USH2A: variants seen among roughly 807,000 people sequenced by gnomAD.
USH2A encodes the protein usherin, also known as Usher syndrome 2A (autosomal recessive, mild).
Under a neutral mutation model 538.9 loss-of-function variants are expected in USH2A, and 443 were observed. That is an observed-to-expected ratio of 0.82 (90% CI 0.76 to 0.89). The LOEUF (loss-of-function observed/expected upper bound fraction) is 0.89, where lower values mean the gene tolerates loss of function less well. Ranked by LOEUF, USH2A falls within the 40% of genes least tolerant of loss-of-function variation. USH2A has a pLI of 0.00. For synonymous variants in USH2A, 2,413 were observed against 2,273.5 expected, an observed-to-expected ratio of 1.06 and a Z score of -1.75; for missense variants, 6,633 against 6,324.8, an observed-to-expected ratio of 1.05 and a Z score of -1.65.
At chr1:215,852,415 G>A (rs1384845186) in intron 44 of USH2A, among the ~76,000 whole-genome samples, 2 of 152,110 alleles carry the variant, frequency 1.3e-5, no homozygotes, top group Non-Finnish European at 2.9e-5. Flanking sequence ...AATTCTGGGA[G>A]CTAAAATTCA....
In USH2A at chr1:216,078,022, C is replaced by A. The variant is rs2031810436; in HGVS notation, c.5572+67G>T. ...GAGTCTATTGCTATCTCTTGAAACA[C>A]AGAACCACCAAAAACTGTTAGCACC... On this transcript the variant is annotated intron_variant, in intron 27 of 71. Transcript: ENST00000307340. 1.6e-4 allele frequency: 258 copies of A among 1,604,020 alleles called. 4 individuals carry two copies. The South Asian group carries it at 2.7e-3, about 17-fold the overall frequency.
Position 215,798,900 on chromosome 1 carries a change from C to A in USH2A, c.9958+7G>T, listed in dbSNP as rs140287624. 32 of 1,614,020 alleles carry A rather than the reference C, an allele frequency of 2.0e-5. No homozygotes were observed. The East Asian group carries it at 6.7e-4, about 34-fold the overall frequency. On this transcript the variant is annotated splice_region_variant and intron_variant, in intron 50 of 71. Coordinates refer to ENST00000307340, the MANE Select transcript of USH2A (RefSeq NM_206933.4). ...CATCTACTGAAAGGTAGACCTGGGC[C>A]CCTTACCTGGAAGGCGATTGTACAC...
chr1:215,867,165 GTAAACC>G lies in USH2A; in HGVS notation c.8682-1_8686del. The stretch of plus-strand genomic sequence containing the variant: ...TACGAAGAGCATATATTCATAGGTT[GTAAACC>G]TAAAATGTTGTTTTGTTAAAAAAAG... On this transcript the variant is annotated splice_acceptor_variant and coding_sequence_variant, in exon 44 of 72. Transcript: ENST00000307340. LOFTEE classifies it high-confidence loss of function. 1 of 1,613,858 alleles carries G rather than the reference GTAAACC, an allele frequency of 6.2e-7. No individual in the cohort carries two copies. Among genetic ancestry groups the G allele is most frequent in the Non-Finnish European group, 8.5e-7 (1 of 1,179,838 alleles).
chr1:216,032,698 T>C (rs1464467497), intron 32 of USH2A, among the ~76,000 whole-genome samples: 2 of 152,006 alleles, frequency 1.3e-5, no homozygotes, highest in Non-Finnish European at 2.9e-5. Context: ...ATTTGAAGCA[T>C]GAGGGGGACT....
At chr1:215,633,295 G>A (rs546254758) in intron 70 of USH2A, among the ~76,000 whole-genome samples, 2 of 152,272 alleles carry the variant, frequency 1.3e-5, no homozygotes, top group Non-Finnish European at 2.9e-5. Context: ...TGAGTAGAGA[G>A]CCAAGGCCCT....
intron 21 of USH2A, among the ~76,000 whole-genome samples, chr1:216,138,050 A>G (rs1359219928): frequency 6.6e-6 from 1 of 151,716 alleles, no homozygotes; most frequent in African/African-American, 2.4e-5. Flanking sequence ...TCTTTAAATA[A>G]TGTCCCAAAA....
chr1:215,828,265 G>A (rs368442024), intron 47 of USH2A, among the ~76,000 whole-genome samples: 22 of 152,104 alleles, frequency 1.4e-4, no homozygotes, highest in African/African-American at 4.3e-4. Context: ...CAGCCTGGGC[G>A]ACACAGTGAG....
Position 215,719,362 on chromosome 1 carries a change from C to CAAAAAAAA in USH2A, c.12066+8660_12066+8667dup, listed in dbSNP as rs375176415. Among the ~76,000 whole-genome samples, 6 of 74,640 alleles carry CAAAAAAAA rather than the reference C, an allele frequency of 8.0e-5. 2 individuals are homozygous for CAAAAAAAA. Among genetic ancestry groups the CAAAAAAAA allele is most frequent in the Non-Finnish European group, 1.0e-4 (4 of 38,764 alleles). 49.0% of individuals were successfully genotyped at this position (74,640 alleles called of 152,430 possible). On this transcript the variant is annotated intron_variant, in intron 61 of 71. Transcript: ENST00000307340. The stretch of plus-strand genomic sequence containing the variant: ...TAAGACCGTAATAAACCTCAGGAGA[C>CAAAAAAAA]AAAAAAAAAAAAAAAAAAAAAGCAT...
intron 30 of USH2A, among the ~76,000 whole-genome samples, chr1:216,053,117 G>A (rs1357903837): frequency 6.6e-6 from 1 of 152,164 alleles, no homozygotes; most frequent in African/African-American, 2.4e-5. Context: ...AATTCTTACA[G>A]TAACAGATTG....
At chr1:215,821,619 A>C (rs1663017172) in intron 47 of USH2A, among the ~76,000 whole-genome samples, 1 of 151,658 alleles carries the variant, frequency 6.6e-6, no homozygotes, top group African/African-American at 2.4e-5. Flanking sequence ...AGCCTGATGT[A>C]ATCCCATTTT....
At position 216,323,468 on chromosome 1, in the gene USH2A, T is replaced by A. The variant is rs769922367; in HGVS notation, c.1550+6A>T. ...ACCTTGTTGAAAACAAAATTCATAA[T>A]AATACCTCCCACTAATGGTGATTTC... is the stretch of plus-strand genomic sequence containing the variant. On this transcript the variant is annotated splice_donor_region_variant and intron_variant, in intron 8 of 71. Transcript: ENST00000307340. 2 of 1,613,126 alleles carry A rather than the reference T, an allele frequency of 1.2e-6. No homozygotes were observed. Among genetic ancestry groups the A allele is most frequent in the African/African-American group, 2.7e-5 (2 of 74,964 alleles).
intron 60 of USH2A, among the ~76,000 whole-genome samples, chr1:215,738,016 T>C (rs1377111403): frequency 6.6e-6 from 1 of 152,086 alleles, no homozygotes; most frequent in East Asian, 1.9e-4. Context: ...ATCTTTTTAT[T>C]TATTTAAAGA....
At chr1:215,761,174 T>C (rs1380341089) in intron 56 of USH2A, among the ~76,000 whole-genome samples, 1 of 152,214 alleles carries the variant, frequency 6.6e-6, no homozygotes, top group Non-Finnish European at 1.5e-5. Flanking sequence ...TTTGTTCCCT[T>C]ACAGCATGAC....
At chr1:216,218,374 C>T (rs1463634740) in intron 14 of USH2A, among the ~76,000 whole-genome samples, 1 of 152,054 alleles carries the variant, frequency 6.6e-6, no homozygotes, top group Admixed American at 6.6e-5. Flanking sequence ...TTAGGATAAG[C>T]AACGTTGGTG....
chr1:215,762,686 G>A (rs1661013174), intron 56 of USH2A, among the ~76,000 whole-genome samples: 1 of 152,106 alleles, frequency 6.6e-6, no homozygotes, highest in East Asian at 1.9e-4. Context: ...AGTCCGAGGT[G>A]GGGAATTTGT....
intron 11 of USH2A, among the ~76,000 whole-genome samples, chr1:216,279,301 G>T (rs1276042895): frequency 6.6e-6 from 1 of 152,068 alleles, no homozygotes; most frequent in Non-Finnish European, 1.5e-5. Context: ...AGAGCCCAGG[G>T]CACAATTCAA....
rs1658182884 is a variant in USH2A, at chr1:215,680,290, T to A, written c.12153A>T (p.Glu4051Asp). 6.2e-7 allele frequency: 1 copy of A among 1,614,042 alleles called. No homozygotes were observed. The highest frequency in any genetic ancestry group is 8.5e-7 in the Non-Finnish European group (1 of 1,180,018). Residue 4051 changes from glutamate to aspartate, a missense_variant, in exon 62 of 72, where the codon GAA (glutamate) becomes GAT (aspartate). Physicochemically the swap from Glu to Asp is conservative, Grantham distance 45. Coordinates refer to ENST00000307340, the MANE Select transcript of USH2A (RefSeq NM_206933.4). ...GAATCAGAGTCCAAGGGCTTAAAAT[T>A]TCTCCTGCATGGTTTGCAGCCACAA... Reference protein sequence around the residue: ...IGVVAANHAGEILSPWTLIQT... With the variant: ...IGVVAANHAGDILSPWTLIQT...
chr1:215,676,772 C>G (rs1412184900), intron 62 of USH2A, among the ~76,000 whole-genome samples: 3 of 142,206 alleles, frequency 2.1e-5, no homozygotes, highest in Non-Finnish European at 3.1e-5. Context: ...AGCTTGCAGC[C>G]TCTGTGACCC....
chr1:216,288,430 A>G (rs2036931551), intron 11 of USH2A, among the ~76,000 whole-genome samples: 2 of 152,142 alleles, frequency 1.3e-5, no homozygotes, highest in Non-Finnish European at 2.9e-5. Context: ...TTATTTGGGA[A>G]AGCAATTTTT....
Sources: gnomAD v4.1 joint callset for allele counts (sites outside exome capture counted in the v4.1 genomes callset) on GRCh38, gnomAD v4.1.1 for gene constraint, MANE v1.5 for transcripts, NCBI Gene and HGNC (gene_info 2026-07-23, HGNC 2026-07-21) for gene names.